The following SHISA9 variants were observed in gnomAD, a reference collection of about 807,000 sequenced individuals.
SHISA9 encodes protein shisa-9.
A neutral mutation model predicts 38.0 loss-of-function variants in SHISA9; 13 were observed. That is an observed-to-expected ratio of 0.34 (90% CI 0.22 to 0.54). The LOEUF (loss-of-function observed/expected upper bound fraction) is 0.54. Ranked by LOEUF, SHISA9 falls within the 20% of genes least tolerant of loss-of-function variation. The pLI, the probability that SHISA9 is intolerant of heterozygous loss-of-function variation, is 0.91. For synonymous variants in SHISA9, 275 were observed against 242.0 expected (o/e 1.14, Z -1.27); for missense variants, 538 against 575.8 (o/e 0.93, Z 0.67).
At chr16:13,354,937 G>A in the SHISA9 span, among the ~76,000 whole-genome samples, 5 of 151,590 alleles carry the variant, frequency 3.3e-5, no homozygotes, top group Admixed American at 1.3e-4. Flanking sequence ...GAAGCTTTGC[G>A]GCAGTACAGC....
At chr16:12,995,057 A>T (rs2072441200) in intron 2 of SHISA9, among the ~76,000 whole-genome samples, 1 of 151,266 alleles carries the variant, frequency 6.6e-6, no homozygotes, top group East Asian at 1.9e-4. Context: ...TTTTTTTTTA[A>T]AATAAAAAAA....
chr16:12,946,110 T>G (rs1441344789), intron 2 of SHISA9, among the ~76,000 whole-genome samples: 5 of 152,218 alleles, frequency 3.3e-5, no homozygotes, highest in African/African-American at 1.2e-4. Flanking sequence ...CCTTTCCCCA[T>G]TGATTGTTTT....
At chr16:13,508,431 G>T in the SHISA9 span, among the ~76,000 whole-genome samples, 2 of 152,100 alleles carry the variant, frequency 1.3e-5, no homozygotes, top group African/African-American at 4.8e-5. Context: ...TTTAATGTCT[G>T]AATTTTTTCT....
chr16:12,992,708 C>A lies in SHISA9; in HGVS notation c.691+75893C>A, dbSNP rs368250808. 2.0e-5 allele frequency among the ~76,000 whole-genome samples: 3 copies of A among 152,170 alleles called. No individual in the cohort carries two copies. The East Asian group carries it at 5.8e-4, about 29-fold the overall frequency. On this transcript the variant is annotated intron_variant, in intron 2 of 4. Coordinates refer to ENST00000558583, the MANE Select transcript of SHISA9 (RefSeq NM_001145204.3). The stretch of plus-strand genomic sequence containing the variant: ...GCAATTTTATTACAGAGTTTTCTTC[C>A]TCACTTTTGTAACTGTAGGGTTGAC...
At chr16:13,122,377 C>G (rs114663977) in intron 2 of SHISA9, among the ~76,000 whole-genome samples, 3 of 152,012 alleles carry the variant, frequency 2.0e-5, no homozygotes, top group East Asian at 3.9e-4. Flanking sequence ...TTCAGAGGGA[C>G]GAAACAATCT....
chr16:13,274,396 CA>C, the SHISA9 span, among the ~76,000 whole-genome samples: 2 of 152,120 alleles, frequency 1.3e-5, no homozygotes, highest in Admixed American at 1.3e-4. Context: ...TTAGGAAATG[CA>C]CTTTATATTG....
At chr16:13,332,928 A>G in the SHISA9 span, among the ~76,000 whole-genome samples, 3 of 152,130 alleles carry the variant, frequency 2.0e-5, no homozygotes, top group South Asian at 6.2e-4. Context: ...GATGTATGCT[A>G]AGCTGCTGCC....
At chr16:13,074,637 T>C (rs2073559145) in intron 2 of SHISA9, among the ~76,000 whole-genome samples, 1 of 152,014 alleles carries the variant, frequency 6.6e-6, no homozygotes, top group Admixed American at 6.6e-5. Context: ...ATTACTATTA[T>C]TTTTTTCTTT....
the SHISA9 span, among the ~76,000 whole-genome samples, chr16:13,446,912 G>A: frequency 6.6e-6 from 1 of 151,340 alleles, no homozygotes; most frequent in Non-Finnish European, 1.5e-5. Context: ...CCTGGGAGGT[G>A]AAGGTTGTGG....
the SHISA9 span, among the ~76,000 whole-genome samples, chr16:13,512,970 C>T: frequency 1.3e-5 from 2 of 152,156 alleles, no homozygotes; most frequent in Admixed American, 1.3e-4. Flanking sequence ...ATAATGAAAA[C>T]ACCAAAAGCA....
intron 2 of SHISA9, among the ~76,000 whole-genome samples, chr16:13,019,808 CTTTCTTTCTTTCTTTCTTTCTTTCTTTT>C (rs2072806465): frequency 7.1e-6 from 1 of 140,752 alleles, no homozygotes; most frequent in African/African-American, 2.7e-5. Flanking sequence ...TTCTTTCTTT[CTTTCTTTCTTTCTTTCTTTCTTTCTTTT>C]TCCTTCCTTC....
chr16:12,930,569 G>A (rs1406932516), intron 2 of SHISA9, among the ~76,000 whole-genome samples: 1 of 152,100 alleles, frequency 6.6e-6, no homozygotes, highest in African/African-American at 2.4e-5. Flanking sequence ...CCTGATCCAT[G>A]CTGACCCTCA....
At chr16:13,025,617 C>T (rs2141871207) in intron 2 of SHISA9, among the ~76,000 whole-genome samples, 1 of 152,346 alleles carries the variant, frequency 6.6e-6, no homozygotes, top group Non-Finnish European at 1.5e-5. Context: ...CACCAACACA[C>T]AGCCCCATTC....
intron 2 of SHISA9, among the ~76,000 whole-genome samples, chr16:13,067,166 T>C (rs2141917315): frequency 6.6e-6 from 1 of 152,328 alleles, no homozygotes; most frequent in African/African-American, 2.4e-5. Flanking sequence ...CATGCTTGAC[T>C]TAGCTTACAC....
intron 2 of SHISA9, among the ~76,000 whole-genome samples, chr16:12,940,852 C>T (rs1318495250): frequency 6.6e-6 from 1 of 152,176 alleles, no homozygotes; most frequent in Non-Finnish European, 1.5e-5. Flanking sequence ...ACTTAGATCA[C>T]TGTGTAGATG....
the SHISA9 span, among the ~76,000 whole-genome samples, chr16:13,357,161 A>G: frequency 6.6e-6 from 1 of 150,858 alleles, no homozygotes; most frequent in Non-Finnish European, 1.5e-5. Context: ...TGGGGCACAG[A>G]GATAAGAGGC....
At chr16:13,476,741 T>C in the SHISA9 span, among the ~76,000 whole-genome samples, 79 of 103,532 alleles carry the variant, frequency 7.6e-4, no homozygotes, top group East Asian at 0.026. Flanking sequence ...GTTTTGTGTT[T>C]TTTTTTTTTT....
At chr16:13,440,877 G>A in the SHISA9 span, among the ~76,000 whole-genome samples, 6 of 151,434 alleles carry the variant, frequency 4.0e-5, no homozygotes, top group African/African-American at 1.5e-4. Context: ...AGCTGAGATC[G>A]TGCCACTGCA....
intron 2 of SHISA9, among the ~76,000 whole-genome samples, chr16:13,130,283 G>C (rs1567222008): frequency 6.6e-6 from 1 of 151,982 alleles, no homozygotes; most frequent in African/African-American, 2.4e-5. Context: ...CTCTCTCCTT[G>C]GTTCATATTA....
Sources: allele counts gnomAD v4.1 joint callset (sites outside exome capture counted in the v4.1 genomes callset), GRCh38; gene constraint gnomAD v4.1.1; transcripts MANE v1.5; gene names NCBI Gene and HGNC (gene_info 2026-07-23, HGNC 2026-07-21).